WDR64: variants seen among roughly 807,000 people sequenced by gnomAD.
The protein encoded by WDR64 is WD repeat-containing protein 64.
In WDR64, 112 loss-of-function variants were observed where a neutral mutation model predicts 139.3. That is an observed-to-expected ratio of 0.80 (90% CI 0.69 to 0.94). The LOEUF is 0.94. Ranked by LOEUF, WDR64 falls within the 40% of genes least tolerant of loss-of-function variation. The pLI is 0.00. For missense variants in WDR64, 1,206 were observed against 1,293.1 expected (o/e 0.93, Z 1.03); for synonymous variants, 444 against 437.7 (o/e 1.01, Z -0.18).
intron 24 of WDR64, among the ~76,000 whole-genome samples, chr1:241,789,067 G>A (rs977101541): frequency 6.6e-6 from 1 of 152,014 alleles, no homozygotes; most frequent in African/African-American, 2.4e-5. Context: ...TCATAGCTCA[G>A]TGCTCACCAC....
At chr1:241,731,473 G>A (rs201503753) in intron 10 of WDR64, among the ~76,000 whole-genome samples, 23,943 of 152,208 alleles carry the variant, frequency 0.16, 2,211 homozygotes, top group East Asian at 0.28. Flanking sequence ...GGTACTGTGT[G>A]ATAACTACAA....
intron 14 of WDR64, among the ~76,000 whole-genome samples, chr1:241,753,255 C>A (rs1670045335): frequency 6.6e-6 from 1 of 152,176 alleles, no homozygotes; most frequent in Non-Finnish European, 1.5e-5. Context: ...ACTCCTAGAC[C>A]AATATTCTCT....
chr1:241,691,773 G>A (rs1040848731), intron 8 of WDR64, among the ~76,000 whole-genome samples: 1 of 152,114 alleles, frequency 6.6e-6, no homozygotes, highest in African/African-American at 2.4e-5. Context: ...CAGCACTTTG[G>A]GGGGCCAAGG....
chr1:241,758,412 C>T (rs1670294386), intron 15 of WDR64, among the ~76,000 whole-genome samples: 1 of 151,536 alleles, frequency 6.6e-6, no homozygotes, highest in Non-Finnish European at 1.5e-5. Flanking sequence ...TCATTTATTA[C>T]TGGAACGTGT....
At chr1:241,679,706 A>G in intron 6 of WDR64, 111 bp downstream of exon 6, 1 of 841,284 alleles carries the variant, frequency 1.2e-6, no homozygotes, top group African/African-American at 1.7e-5. Flanking sequence ...CTATAAAATG[A>G]GAGGATTTAA....
At chr1:241,800,179 C>G (rs1457141865) in intron 27 of WDR64, among the ~76,000 whole-genome samples, 1 of 152,162 alleles carries the variant, frequency 6.6e-6, no homozygotes, top group Admixed American at 6.5e-5. Context: ...GCAGGTTGAT[C>G]CAGGGAGCTA....
At chr1:241,671,284 C>T (rs1210022314) in intron 3 of WDR64, 108 bp downstream of exon 3, 5 of 798,654 alleles carry the variant, frequency 6.3e-6, no homozygotes, top group Non-Finnish European at 9.7e-6. Flanking sequence ...TGTATTTGTT[C>T]AATACTTTAT....
At chr1:241,789,752 G>A (rs1412217489) in intron 24 of WDR64, among the ~76,000 whole-genome samples, 1 of 152,074 alleles carries the variant, frequency 6.6e-6, no homozygotes, top group Non-Finnish European at 1.5e-5. Context: ...GGTGGGAGGA[G>A]GGAGAGGATC....
rs1341092813 is a variant in WDR64 at position 241,683,549 on chromosome 1, G to A, written c.687G>A (p.Leu229=). Residue 229 remains leucine, a synonymous_variant, in exon 7 of 28, where the codon TTG becomes TTA. Coordinates refer to ENST00000437684, the MANE Select transcript of WDR64 (RefSeq NM_001367482.1). ...HCLLCVCVVP[L]PDHLCRDDIL... is the part of the protein sequence containing the mutation. ...TCCTGTGTGTGTGTGTGGTGCCTTT[G>A]CCTGACCATCTCTGCCGAGATGACA... 7 of 1,551,592 alleles carry A rather than the reference G, an allele frequency of 4.5e-6. No individual in the cohort carries two copies. The highest frequency in any genetic ancestry group is 6.1e-6 in the Non-Finnish European group (7 of 1,147,008).
chr1:241,780,869 G>T (rs1030486660), intron 22 of WDR64, among the ~76,000 whole-genome samples: 1 of 152,136 alleles, frequency 6.6e-6, no homozygotes, highest in East Asian at 1.9e-4. Context: ...CAGGGTCGGG[G>T]TTCTGATTGC....
rs538239600 is a variant in WDR64 at position 241,740,717 on chromosome 1, G to C, written c.1322-799G>C. Reference sequence around the variant, plus strand: ...GAGTCTCGCTCTGTCGCCCAGGCTAGAGTGCAATGGCATGACCTCGGCTCA... The same window carrying C: ...GAGTCTCGCTCTGTCGCCCAGGCTACAGTGCAATGGCATGACCTCGGCTCA... On this transcript the variant is annotated intron_variant, in intron 11 of 27. Coordinates refer to ENST00000437684, the MANE Select transcript of WDR64 (RefSeq NM_001367482.1). Among the ~76,000 whole-genome samples, 357 of 151,488 alleles carry C rather than the reference G, an allele frequency of 2.4e-3. 1 individual carries two copies. Among genetic ancestry groups the C allele is most frequent in the Non-Finnish European group, 3.9e-3 (266 of 67,930 alleles).
chr1:241,699,528 G>A (rs1667623658), intron 8 of WDR64, among the ~76,000 whole-genome samples: 1 of 152,146 alleles, frequency 6.6e-6, no homozygotes, highest in Non-Finnish European at 1.5e-5. Context: ...TGATACAGAT[G>A]TAAGAGAGGG....
intron 19 of WDR64, among the ~76,000 whole-genome samples, chr1:241,772,534 C>T (rs766380550): frequency 2.2e-5 from 3 of 135,654 alleles, no homozygotes; most frequent in Non-Finnish European, 3.1e-5. Context: ...GCCATCTCAG[C>T]TCACTGCAAC....
Position 241,801,534 on chromosome 1 carries a change from C to T in WDR64, c.*319C>T. ...TTATCAATGTTTAGCTTTCCACTTC[C>T]TCCCATTGGTCACCTTACTCCACAG... On this transcript the variant is annotated 3_prime_UTR_variant, in exon 28 of 28. Transcript: ENST00000437684. 2.4e-6 allele frequency: 1 copy of T among 416,146 alleles called. No individual in the cohort carries two copies. Among genetic ancestry groups the T allele is most frequent in the Non-Finnish European group, 4.2e-6 (1 of 235,852 alleles). The allele number at this position is 416,146 out of a possible 1,614,324, so 25.8% of individuals were successfully genotyped here.
At chr1:241,678,555 T>C (rs1473282107) in intron 5 of WDR64, among the ~76,000 whole-genome samples, 1 of 151,924 alleles carries the variant, frequency 6.6e-6, no homozygotes, top group Non-Finnish European at 1.5e-5. Context: ...AATAAGGAGG[T>C]GGCCCATGGA....
At chr1:241,799,142 A>G (rs1379512307) in intron 27 of WDR64, among the ~76,000 whole-genome samples, 1 of 138,786 alleles carries the variant, frequency 7.2e-6, no homozygotes, top group Admixed American at 7.8e-5. Context: ...GAGGCAGTTG[A>G]ACTGATTGAA....
rs1221579704 is a variant in WDR64 at position 241,671,097 on chromosome 1, A to G, written c.300A>G (p.Glu100=). Residue 100 remains glutamate (E), a synonymous_variant, in exon 3 of 28, where the codon GAA becomes GAG. Coordinates refer to ENST00000437684, the MANE Select transcript of WDR64 (RefSeq NM_001367482.1). ...AGATCTTTGGATACTTCTCCTCTGA[A>G]GAAGATCCTATTGCTTCCCAGTTGG... ...WCEIFGYFSS[E]EDPIASQLDE... 14 of 1,550,478 alleles carry G rather than the reference A, an allele frequency of 9.0e-6. No individual in the cohort carries two copies. Among genetic ancestry groups the G allele is most frequent in the African/African-American group, 2.7e-5 (2 of 73,118 alleles).
chr1:241,749,861 GCTC>G (rs2148262638), intron 14 of WDR64, 139 bp downstream of exon 14: 1 of 987,576 alleles, frequency 1.0e-6, no homozygotes, highest in East Asian at 2.5e-5. Context: ...TTCCCGTGAT[GCTC>G]CTCATTAACT....
intron 9 of WDR64, among the ~76,000 whole-genome samples, chr1:241,715,560 C>A (rs1668371169): frequency 6.6e-6 from 1 of 152,182 alleles, no homozygotes; most frequent in African/African-American, 2.4e-5. Flanking sequence ...CGTTGCATGT[C>A]TTTAGTTAGG....
Sources: allele counts gnomAD v4.1 joint callset (sites outside exome capture counted in the v4.1 genomes callset), GRCh38; gene constraint gnomAD v4.1.1; transcripts MANE v1.5; gene names NCBI Gene and HGNC (gene_info 2026-07-23, HGNC 2026-07-21).